The following KCNT2 variants were observed in gnomAD, a reference collection of about 807,000 sequenced individuals.
KCNT2 encodes the protein potassium channel subfamily T member 2.
A neutral mutation model predicts 153.8 loss-of-function variants in KCNT2; 67 were observed. The ratio of observed to expected loss-of-function variants is 0.44; its 90% CI spans 0.36 to 0.53. The LOEUF is 0.53. Ranked by LOEUF, KCNT2 falls within the 20% of genes least tolerant of loss-of-function variation. The probability of loss-of-function intolerance (pLI) is 0.00; values close to 1 mark genes in which losing one functional copy is unlikely to be tolerated. For missense variants in KCNT2, 975 were observed against 1,354.8 expected, an observed-to-expected ratio of 0.72 and a Z score of 4.40; for synonymous variants, 500 against 458.8, an observed-to-expected ratio of 1.09 and a Z score of -1.15.
intron 18 of KCNT2, among the ~76,000 whole-genome samples, chr1:196,327,519 A>C (rs548558658): frequency 6.6e-6 from 1 of 152,198 alleles, no homozygotes; most frequent in Admixed American, 6.5e-5. Flanking sequence ...TTGTTAACCC[A>C]ATATTATTTT....
intron 1 of KCNT2, among the ~76,000 whole-genome samples, chr1:196,562,620 T>C (rs952079926): frequency 1.3e-5 from 2 of 151,554 alleles, no homozygotes; most frequent in Non-Finnish European, 2.9e-5. Flanking sequence ...TTGAGGGAAC[T>C]GGGGGAAAAA....
At position 196,504,677 on chromosome 1, in the gene KCNT2, T is replaced by A. The variant is rs569336321; in HGVS notation, c.96-12336A>T. Among the ~76,000 whole-genome samples the A allele has an allele frequency of 4.5e-3, 691 of 152,292 alleles. 2 individuals are homozygous for A. Among genetic ancestry groups the A allele is most frequent in the Non-Finnish European group, 7.3e-3 (496 of 68,014 alleles). ...ATCGCCACACTGACTTCCACAATGG[T>A]TGAACTAGTTTATAGTCCCACCAAC... On this transcript the variant is annotated intron_variant, in intron 1 of 27. Coordinates refer to ENST00000294725, the MANE Select transcript of KCNT2 (RefSeq NM_198503.5).
At chr1:196,513,234 C>T (rs978188594) in intron 1 of KCNT2, among the ~76,000 whole-genome samples, 2 of 152,180 alleles carry the variant, frequency 1.3e-5, no homozygotes, top group Admixed American at 6.6e-5. Context: ...ATGCTCAGCA[C>T]CTAATTCAAA....
At chr1:196,535,797 T>C (rs757538370) in intron 1 of KCNT2, among the ~76,000 whole-genome samples, 1 of 152,204 alleles carries the variant, frequency 6.6e-6, no homozygotes, top group African/African-American at 2.4e-5. Flanking sequence ...GGTAATTACA[T>C]CTTTTACAGA....
intron 1 of KCNT2, among the ~76,000 whole-genome samples, chr1:196,550,693 T>G (rs1657775351): frequency 6.6e-6 from 1 of 151,804 alleles, no homozygotes. Context: ...ACCAGAAAAC[T>G]GCACATGCTC....
intron 26 of KCNT2, among the ~76,000 whole-genome samples, chr1:196,237,899 T>G (rs1377668407): frequency 6.6e-6 from 1 of 151,834 alleles, no homozygotes; most frequent in Non-Finnish European, 1.5e-5. Flanking sequence ...TTACTAGGAT[T>G]ATTTCTCCAT....
At chr1:196,431,598 T>C (rs952641258) in intron 8 of KCNT2, among the ~76,000 whole-genome samples, 1 of 152,076 alleles carries the variant, frequency 6.6e-6, no homozygotes, top group African/African-American at 2.4e-5. Context: ...ACTTGGTAAT[T>C]ATGTCTGTGT....
At chr1:196,595,933 CATG>C (rs1168924573) in intron 1 of KCNT2, among the ~76,000 whole-genome samples, 1 of 151,770 alleles carries the variant, frequency 6.6e-6, no homozygotes, top group Non-Finnish European at 1.5e-5. Flanking sequence ...AGTGAGAACA[CATG>C]ATGTTTGGTT....
In KCNT2 at chr1:196,258,415, C is replaced by T. The variant is rs781172493; in HGVS notation, c.2990G>A (p.Arg997His). 34 of 1,613,288 alleles carry T rather than the reference C, an allele frequency of 2.1e-5. No homozygotes were observed. The highest frequency in any genetic ancestry group is 1.7e-4 in the African/African-American group (13 of 74,856). ...CGACTGATCACTGGATGTTGAGTTGCGGTGGTTGCTGCGGTGGTGCCCTTG... is the reference window on the plus strand; with the variant it reads ...CGACTGATCACTGGATGTTGAGTTGTGGTGGTTGCTGCGGTGGTGCCCTTG... ...KEQGHHRSNH[R>H]NSTSSDQSDH... Residue 997 changes from arginine to histidine, a missense_variant, in exon 26 of 28, where the codon CGC (arginine) becomes CAC (histidine). Arg to His is a conservative substitution (Grantham distance 29). Around this residue, in one of 6 missense-constraint regions of KCNT2, gnomAD observed 241 missense variants for 271.1 expected, o/e 0.89. Coordinates refer to ENST00000294725, the MANE Select transcript of KCNT2 (RefSeq NM_198503.5).
rs557201264 is a variant in KCNT2, at chr1:196,360,053, T to C, written c.1403+13087A>G. Among the ~76,000 whole-genome samples, 5 of 152,212 alleles carry C rather than the reference T, an allele frequency of 3.3e-5. No homozygotes were observed. The East Asian group carries it at 9.7e-4, about 29-fold the overall frequency. On this transcript the variant is annotated intron_variant, in intron 14 of 27. Coordinates refer to ENST00000294725, the MANE Select transcript of KCNT2 (RefSeq NM_198503.5). The stretch of plus-strand genomic sequence containing the variant: ...CCTCAAAATATGTTTAATAGAATAC[T>C]TGTTCCTGTTGACCTTTTAATGAGT...
intron 12 of KCNT2, among the ~76,000 whole-genome samples, chr1:196,416,605 G>A (rs1342236751): frequency 1.3e-5 from 2 of 151,876 alleles, no homozygotes; most frequent in Non-Finnish European, 2.9e-5. Flanking sequence ...TTTTCCAACA[G>A]CTGTTGAGTT....
intron 14 of KCNT2, among the ~76,000 whole-genome samples, chr1:196,372,119 T>C (rs1668588471): frequency 2.0e-5 from 3 of 152,174 alleles, no homozygotes; most frequent in East Asian, 1.9e-4. Flanking sequence ...TGTAAGTATA[T>C]AGAATAGAAA....
At chr1:196,425,627 C>T (rs1418375844) in intron 11 of KCNT2, among the ~76,000 whole-genome samples, 1 of 151,932 alleles carries the variant, frequency 6.6e-6, no homozygotes, top group Non-Finnish European at 1.5e-5. Context: ...GTCTTCTGAA[C>T]AGTTTTGCCT....
At chr1:196,234,693 G>T (rs1352276114) in intron 27 of KCNT2, among the ~76,000 whole-genome samples, 1 of 151,222 alleles carries the variant, frequency 6.6e-6, no homozygotes, top group African/African-American at 2.4e-5. Flanking sequence ...CTAAAATTTT[G>T]CATATTATTA....
Position 196,403,547 on chromosome 1 carries a change from C to T in KCNT2, c.1186-4876G>A, listed in dbSNP as rs185028083. ...TATAAAGAGTGAACCCTAATGTAAA[C>T]TATGGGTTTTAGTTAAATAATTTAT... On this transcript the variant is annotated intron_variant, in intron 12 of 27. Transcript: ENST00000294725. Among the ~76,000 whole-genome samples, 364 of 151,398 alleles carry T rather than the reference C, an allele frequency of 2.4e-3. 4 individuals are homozygous for T. Among genetic ancestry groups the T allele is most frequent in the South Asian group, 5.8e-3 (28 of 4,800 alleles).
chr1:196,592,155 A>G (rs1006085484), intron 1 of KCNT2, among the ~76,000 whole-genome samples: 1 of 152,140 alleles, frequency 6.6e-6, no homozygotes, highest in East Asian at 1.9e-4. Flanking sequence ...AATGTGGTAC[A>G]TATACACAAT....
At chr1:196,600,612 C>T (rs1186785921) in intron 1 of KCNT2, among the ~76,000 whole-genome samples, 1 of 151,856 alleles carries the variant, frequency 6.6e-6, no homozygotes, top group Non-Finnish European at 1.5e-5. Flanking sequence ...TGGAGCACAA[C>T]AATAGAAATA....
chr1:196,259,169 G>A (rs1272860659), intron 25 of KCNT2, among the ~76,000 whole-genome samples: 1 of 152,020 alleles, frequency 6.6e-6, no homozygotes, highest in Non-Finnish European at 1.5e-5. Flanking sequence ...AAATATTAAT[G>A]TTTCACAAAT....
At chr1:196,488,734 A>T (rs1344597301) in intron 3 of KCNT2, among the ~76,000 whole-genome samples, 1 of 152,044 alleles carries the variant, frequency 6.6e-6, no homozygotes, top group African/African-American at 2.4e-5. Flanking sequence ...CACTATCAAT[A>T]AAATTGCTGA....
Sources: allele counts gnomAD v4.1 joint callset (sites outside exome capture counted in the v4.1 genomes callset), GRCh38; gene constraint gnomAD v4.1.1; regional missense constraint gnomAD v4.1.1; transcripts MANE v1.5; gene names NCBI Gene and HGNC (gene_info 2026-07-23, HGNC 2026-07-21).